The following AKAIN1 variants were observed in gnomAD, a reference collection of about 807,000 sequenced individuals.
The protein encoded by AKAIN1 is A-kinase anchor protein inhibitor 1.
A neutral mutation model predicts 3.7 loss-of-function variants in AKAIN1; 3 were observed. That is an observed-to-expected ratio of 0.82 (90% CI 0.37 to 2.12). The LOEUF (loss-of-function observed/expected upper bound fraction) is 2.12. Ranked by LOEUF, AKAIN1 falls within the 30% of genes most tolerant of loss-of-function variation. AKAIN1 has a pLI of 0.06. For synonymous variants in AKAIN1, 31 were observed against 30.8 expected (o/e 1.01, Z -0.02); for missense variants, 82 against 82.7 (o/e 0.99, Z 0.03).
At chr18:5,157,499 C>T (rs2071114817) in intron 1 of AKAIN1, among the ~76,000 whole-genome samples, 1 of 152,134 alleles carries the variant, frequency 6.6e-6, no homozygotes, top group Admixed American at 6.5e-5. Context: ...AACCTCTCAC[C>T]ATGGGCCTCA....
intron 1 of AKAIN1, among the ~76,000 whole-genome samples, chr18:5,155,494 C>T (rs1040799276): frequency 2.6e-5 from 4 of 152,178 alleles, no homozygotes; most frequent in African/African-American, 9.7e-5. Context: ...CGAAAGTGTC[C>T]GTTTCTGGCC....
chr18:5,168,198 C>T (rs909690470), intron 1 of AKAIN1, among the ~76,000 whole-genome samples: 1 of 152,068 alleles, frequency 6.6e-6, no homozygotes, highest in African/African-American at 2.4e-5. Context: ...CTCCAAGCAG[C>T]ACTGGGTGAA....
intron 1 of AKAIN1, among the ~76,000 whole-genome samples, chr18:5,184,185 C>A (rs1198897670): frequency 6.6e-6 from 1 of 152,018 alleles, no homozygotes; most frequent in Non-Finnish European, 1.5e-5. Context: ...ACAATGACAG[C>A]AAAAGTGCTG....
intron 1 of AKAIN1, among the ~76,000 whole-genome samples, chr18:5,160,380 T>C (rs1459371779): frequency 6.6e-6 from 1 of 152,210 alleles, no homozygotes. Flanking sequence ...TGATGACGAT[T>C]CCCCTTTTTA....
chr18:5,178,665 C>A (rs1056690938), intron 1 of AKAIN1, among the ~76,000 whole-genome samples: 1 of 152,190 alleles, frequency 6.6e-6, no homozygotes, highest in Non-Finnish European at 1.5e-5. Flanking sequence ...AGGCAAGCCA[C>A]CTGCCTGTTG....
At chr18:5,194,678 C>G (rs2071338386) in intron 1 of AKAIN1, among the ~76,000 whole-genome samples, 2 of 152,154 alleles carry the variant, frequency 1.3e-5, no homozygotes, top group African/African-American at 2.4e-5. Context: ...TCCAAAAAAG[C>G]TACAATGTGT....
At chr18:5,188,927 C>G (rs2071302853) in intron 1 of AKAIN1, among the ~76,000 whole-genome samples, 1 of 152,178 alleles carries the variant, frequency 6.6e-6, no homozygotes, top group Non-Finnish European at 1.5e-5. Context: ...GCTGACCTTA[C>G]AATTATGACT....
At chr18:5,186,115 A>C (rs1190599559) in intron 1 of AKAIN1, among the ~76,000 whole-genome samples, 1 of 152,112 alleles carries the variant, frequency 6.6e-6, no homozygotes, top group African/African-American at 2.4e-5. Context: ...GTAAACTAAC[A>C]CAGGAACAGA....
intron 1 of AKAIN1, among the ~76,000 whole-genome samples, chr18:5,178,784 T>C (rs1234874659): frequency 6.6e-6 from 1 of 152,158 alleles, no homozygotes; most frequent in African/African-American, 2.4e-5. Context: ...CTAGAGATTT[T>C]TATTTTACCA....
At chr18:5,188,367 G>A (rs1399635104) in intron 1 of AKAIN1, among the ~76,000 whole-genome samples, 3 of 152,038 alleles carry the variant, frequency 2.0e-5, no homozygotes, top group East Asian at 3.9e-4. Context: ...CCATGGGCAA[G>A]TTTCTTCCTG....
intron 1 of AKAIN1, among the ~76,000 whole-genome samples, chr18:5,185,042 C>T (rs1165288794): frequency 6.6e-6 from 1 of 152,038 alleles, no homozygotes; most frequent in Non-Finnish European, 1.5e-5. Context: ...AATATTACTG[C>T]ACACCTACCA....
In AKAIN1 at chr18:5,197,001, T is replaced by G; in HGVS notation, c.16+37A>C. On this transcript the variant is annotated intron_variant, in intron 1 of 1. Transcript: ENST00000434239. The surrounding 1 kb of genome is among the most constrained non-coding windows in gnomAD (Gnocchi z 6.9). ...CTCTCCGTCCTCTACCCTGCTCCCC[T>G]CCTAGACACTTGGTGAAAAAGCAAG... The G allele has an allele frequency of 5.9e-6, 9 of 1,526,778 alleles. No homozygotes were observed. Among genetic ancestry groups the G allele is most frequent in the Non-Finnish European group, 8.0e-6 (9 of 1,124,334 alleles). The allele number at this position is 1,526,778 out of a possible 1,614,324, so 94.6% of individuals were successfully genotyped here.
intron 1 of AKAIN1, among the ~76,000 whole-genome samples, chr18:5,158,570 C>G (rs957111059): frequency 6.6e-6 from 1 of 152,340 alleles, no homozygotes; most frequent in African/African-American, 2.4e-5. Context: ...GTTCTCCACT[C>G]CCTCCATTTG....
At chr18:5,176,019 T>C (rs1009796340) in intron 1 of AKAIN1, among the ~76,000 whole-genome samples, 2 of 152,080 alleles carry the variant, frequency 1.3e-5, no homozygotes, top group African/African-American at 4.8e-5. Context: ...TAGTACTCCT[T>C]AGTCATGACA....
intron 1 of AKAIN1, among the ~76,000 whole-genome samples, chr18:5,191,460 C>G (rs1033642664): frequency 6.6e-6 from 1 of 152,060 alleles, no homozygotes; most frequent in Non-Finnish European, 1.5e-5. Flanking sequence ...GATCTGTATG[C>G]TGAAAGCTAC....
intron 1 of AKAIN1, among the ~76,000 whole-genome samples, chr18:5,159,174 C>CT (rs36002870): frequency 4.4e-4 from 64 of 146,422 alleles, no homozygotes; most frequent in Admixed American, 6.1e-4. Flanking sequence ...TGTTTTACGT[C>CT]TTTTTTTTTT....
At chr18:5,159,288 C>T (rs2071126177) in intron 1 of AKAIN1, 2 of 151,990 alleles carry the variant, frequency 1.3e-5, no homozygotes, top group Admixed American at 1.3e-4. Context: ...TCACGTGTTT[C>T]ACCCTGTGTC....
intron 1 of AKAIN1, among the ~76,000 whole-genome samples, chr18:5,173,589 A>G (rs547141499): frequency 6.6e-6 from 1 of 152,172 alleles, no homozygotes; most frequent in African/African-American, 2.4e-5. Flanking sequence ...CCCAGAGGGC[A>G]GGGGTCCTCT....
At chr18:5,148,995 A>G (rs1376491901) in intron 1 of AKAIN1, among the ~76,000 whole-genome samples, 1 of 152,258 alleles carries the variant, frequency 6.6e-6, no homozygotes, top group Non-Finnish European at 1.5e-5. Flanking sequence ...AATACAGTAT[A>G]TACTTGCAGC....
Sources: gnomAD v4.1 joint callset for allele counts (sites outside exome capture counted in the v4.1 genomes callset) on GRCh38, gnomAD v4.1.1 for gene constraint, Gnocchi (gnomAD v3.1) non-coding constraint, MANE v1.5 for transcripts, NCBI Gene and HGNC (gene_info 2026-07-23, HGNC 2026-07-21) for gene names.